SARDH: variants seen among roughly 807,000 people sequenced by gnomAD.
SARDH encodes sarcosine dehydrogenase, mitochondrial.
Under a neutral mutation model 109.1 loss-of-function variants are expected in SARDH, and 95 were observed. The ratio of observed to expected loss-of-function variants is 0.87; its 90% CI spans 0.74 to 1.03. The LOEUF is 1.03. Ranked by LOEUF, SARDH falls within the 50% of genes least tolerant of loss-of-function variation. SARDH has a pLI of 0.00. For missense variants in SARDH, 1,267 were observed against 1,287.8 expected (o/e 0.98, Z 0.25); for synonymous variants, 572 against 534.8 (o/e 1.07, Z -0.96).
chr9:133,701,032 C>T (rs1327510310), intron 13 of SARDH, among the ~76,000 whole-genome samples: 4 of 152,206 alleles, frequency 2.6e-5, no homozygotes, highest in Non-Finnish European at 5.9e-5. Flanking sequence ...ACTCATATTA[C>T]CCCTCACATA....
At chr9:133,711,820 G>A (rs13285775) in intron 10 of SARDH, among the ~76,000 whole-genome samples, 38,777 of 152,056 alleles carry the variant, frequency 0.26, 5,745 homozygotes, top group East Asian at 0.32. Context: ...GTCCTGCCTC[G>A]ACAGCCACCC....
intron 1 of SARDH, among the ~76,000 whole-genome samples, chr9:133,735,555 G>A (rs75391229): frequency 0.026 from 3,906 of 152,316 alleles, 165 homozygotes; most frequent in African/African-American, 0.089. Context: ...CAACCGTGGT[G>A]ACTGCAATCC....
At position 133,686,808 on chromosome 9, in the gene SARDH, G is replaced by A. The variant is rs1830902561; in HGVS notation, c.2070-1522C>T. On this transcript the variant is annotated intron_variant, in intron 16 of 20. Coordinates refer to ENST00000439388, the MANE Select transcript of SARDH (RefSeq NM_001134707.2). The surrounding 1 kb of genome is among the most constrained non-coding windows in gnomAD (Gnocchi z 4.0). ...CCACGTCAGCCTGAGGTGCTCAGCT[G>A]TGGTACAGTTGGCCAAGACCCTTAT... Among the ~76,000 whole-genome samples, 2 of 152,232 alleles carry A rather than the reference G, an allele frequency of 1.3e-5. No individual in the cohort carries two copies. The highest frequency in any genetic ancestry group is 2.4e-5 in the African/African-American group (1 of 41,454).
At chr9:133,711,146 T>C (rs1375693557) in intron 10 of SARDH, among the ~76,000 whole-genome samples, 5 of 152,224 alleles carry the variant, frequency 3.3e-5, no homozygotes, top group African/African-American at 1.2e-4. Context: ...TGCCAGCCCA[T>C]GAGCAAACAT....
At position 133,712,579 on chromosome 9, in the gene SARDH, G is replaced by T. The variant is rs755003253; in HGVS notation, c.1328+40C>A. ...CTGTTTACCCCACGCCACCTGTCCT[G>T]AGTGGCGGGCCCTGCCCTTAGGTCC... On this transcript the variant is annotated intron_variant, in intron 10 of 20. Coordinates refer to ENST00000439388, the MANE Select transcript of SARDH (RefSeq NM_001134707.2). The surrounding 1 kb of genome is among the most constrained non-coding windows in gnomAD (Gnocchi z 4.1). 2.6e-6 allele frequency: 4 copies of T among 1,542,350 alleles called. No homozygotes were observed. The highest frequency in any genetic ancestry group is 3.6e-6 in the Non-Finnish European group (4 of 1,125,946).
At chr9:133,738,648 G>A (rs535070644), upstream of SARDH, among the ~76,000 whole-genome samples, 3 of 152,350 alleles carry the variant, frequency 2.0e-5, no homozygotes, top group South Asian at 2.1e-4. Context: ...GGAGCCGCCC[G>A]AGCTCCCCGC....
At chr9:133,676,221 CATT>C (rs1018368742) in intron 17 of SARDH, among the ~76,000 whole-genome samples, 1 of 152,098 alleles carries the variant, frequency 6.6e-6, no homozygotes, top group African/African-American at 2.4e-5. Flanking sequence ...CGGACAAAAA[CATT>C]ATAAACACAT....
At chr9:133,723,771 A>G (rs1351679509) in intron 6 of SARDH, among the ~76,000 whole-genome samples, 1 of 152,244 alleles carries the variant, frequency 6.6e-6, no homozygotes, top group Non-Finnish European at 1.5e-5. Flanking sequence ...TCAAAAAAAT[A>G]AAATAAAATA....
At chr9:133,659,700 A>G (rs1406282549), downstream of SARDH, among the ~76,000 whole-genome samples, 4 of 152,208 alleles carry the variant, frequency 2.6e-5, no homozygotes, top group South Asian at 2.1e-4. Context: ...TCACGAGCCC[A>G]GGAGCTCTGC....
chr9:133,730,227 T>C (rs752969722), intron 4 of SARDH, 40 bp from the exon 5 acceptor site: 16 of 1,606,884 alleles, frequency 1.0e-5, no homozygotes, highest in Non-Finnish European at 3.4e-6. Context: ...CCCACGGGAC[T>C]CCCCGGGGGT....
At chr9:133,736,285 G>A (rs998699639) in intron 1 of SARDH, among the ~76,000 whole-genome samples, 3 of 152,220 alleles carry the variant, frequency 2.0e-5, no homozygotes, top group East Asian at 1.9e-4. Flanking sequence ...GGGTGCATCC[G>A]CACCTAACTT....
chr9:133,705,308 C>A, intron 11 of SARDH, among the ~76,000 whole-genome samples: 1 of 119,242 alleles, frequency 8.4e-6, no homozygotes, highest in Non-Finnish European at 1.8e-5. Context: ...CCTGAGAACC[C>A]CCATCTATAG....
At chr9:133,690,267 T>C in intron 16 of SARDH, 113 bp downstream of exon 16, 1 of 1,241,474 alleles carries the variant, frequency 8.1e-7, no homozygotes, top group Non-Finnish European at 1.1e-6. Context: ...ACCAGAGCGC[T>C]TAACTATTCA....
chr9:133,664,074 G>A (rs988674012), intron 20 of SARDH, 60 bp from the exon 21 acceptor site: 1 of 1,578,514 alleles, frequency 6.3e-7, no homozygotes. Flanking sequence ...GCTCACGTCT[G>A]CCTGCTTCTC....
intron 16 of SARDH, among the ~76,000 whole-genome samples, chr9:133,690,170 G>A (rs148262900): frequency 1.1e-3 from 171 of 152,316 alleles, no homozygotes; most frequent in African/African-American, 3.9e-3. Context: ...TGACTGAACA[G>A]CTGTAAATTT....
At chr9:133,694,570 G>GA (rs1831217996) in intron 14 of SARDH, among the ~76,000 whole-genome samples, 199 bp from the exon 15 acceptor site, 1 of 152,172 alleles carries the variant, frequency 6.6e-6, no homozygotes, top group South Asian at 2.1e-4. Flanking sequence ...ACCCAGAGAG[G>GA]ACTGGCCATG....
At chr9:133,690,854 G>A (rs1461817327) in intron 15 of SARDH, among the ~76,000 whole-genome samples, 1 of 152,150 alleles carries the variant, frequency 6.6e-6, no homozygotes, top group Non-Finnish European at 1.5e-5. Context: ...TGGCCCAGAT[G>A]CAGTTCTGCG....
chr9:133,730,349 G>A (rs144848346), intron 4 of SARDH, among the ~76,000 whole-genome samples, 162 bp from the exon 5 acceptor site: 240 of 152,184 alleles, frequency 1.6e-3, no homozygotes, highest in Non-Finnish European at 2.6e-3. Flanking sequence ...TGACCACAGC[G>A]CCAGAAAACT....
At chr9:133,719,809 T>G (rs1358359486) in intron 6 of SARDH, among the ~76,000 whole-genome samples, 1 of 151,824 alleles carries the variant, frequency 6.6e-6, no homozygotes, top group African/African-American at 2.4e-5. Context: ...CTGCTCACTC[T>G]CTCCTAAAAA....
Sources: allele counts gnomAD v4.1 joint callset (sites outside exome capture counted in the v4.1 genomes callset), GRCh38; gene constraint gnomAD v4.1.1; non-coding constraint Gnocchi (gnomAD v3.1); transcripts MANE v1.5; gene names NCBI Gene and HGNC (gene_info 2026-07-23, HGNC 2026-07-21).